The following FOXF2 variants were observed in gnomAD, a reference collection of about 807,000 sequenced individuals.
FOXF2 encodes forkhead box F2.
FOXF2 carries 15 observed loss-of-function variants against 29.1 expected under a neutral mutation model. That is an observed-to-expected ratio of 0.52 (90% confidence interval 0.35 to 0.79). The LOEUF is 0.79. Ranked by LOEUF, FOXF2 falls within the 30% of genes least tolerant of loss-of-function variation. The pLI is 0.01. For missense variants in FOXF2, 675 were observed against 667.1 expected (o/e 1.01, Z -0.13); for synonymous variants, 337 against 316.5 (o/e 1.06, Z -0.69).
intron 1 of FOXF2, among the ~76,000 whole-genome samples, chr6:1,392,973 G>A (rs1055247729): frequency 2.6e-5 from 4 of 152,128 alleles, no homozygotes; most frequent in African/African-American, 9.7e-5. Context: ...ATACCCACCC[G>A]GCCCTGTTGC....
chr6:1,390,833 G>C lies in FOXF2; in HGVS notation c.886G>C (p.Gly296Arg). Residue 296 changes from glycine to arginine, a missense_variant, in exon 1 of 2, where the codon GGC (glycine) becomes CGC (arginine). Transcript: ENST00000645481. The surrounding 1 kb of genome is among the most constrained non-coding windows in gnomAD (Gnocchi z 8.5). ...CTGCCCGGTGCCCGCGGGACCCGGGGGCGTCGGTGCGGCCGGGGGCGGCGG... is the reference window on the plus strand; with the variant it reads ...CTGCCCGGTGCCCGCGGGACCCGGGCGCGTCGGTGCGGCCGGGGGCGGCGG... ...ASCPVPAGPGGVGAAGGGGGG... is the reference protein window; with the variant it reads ...ASCPVPAGPGRVGAAGGGGGG... The C allele has an allele frequency of 7.2e-7, 1 of 1,390,852 alleles. No homozygotes were observed. Among genetic ancestry groups the C allele is most frequent in the Non-Finnish European group, 9.2e-7 (1 of 1,087,894 alleles). The allele number at this position is 1,390,852 out of a possible 1,614,324, so 86.2% of individuals were successfully genotyped here. A position where few individuals can be genotyped will look rare whatever the true frequency, so the allele number is the denominator to read the frequency against.
Position 1,390,714 on chromosome 6 carries a change from G to T in FOXF2, c.767G>T (p.Gly256Val). 1 of 1,446,328 alleles carries T rather than the reference G, an allele frequency of 6.9e-7. No homozygotes were observed. The highest frequency in any genetic ancestry group is 1.4e-5 in the South Asian group (1 of 70,018). 89.6% of individuals were successfully genotyped at this position (1,446,328 alleles called of 1,614,324 possible). ...ATGATGCCCGCGGGCTACGACGCCG[G>T]CGCGGGCGCCCCCAGCCACGCGCAC... ...LDMMPAGYDA[G>V]AGAPSHAHPH... The change falls in exon 1 of 2, where the codon GGC becomes GTC. Residue 256 changes from glycine to valine, a missense_variant. By Grantham distance (109) the Gly-to-Val change is moderately radical (BLOSUM62 -3). Around this residue, in one of 3 missense-constraint regions of FOXF2, gnomAD observed 451 missense variants for 437.2 expected, o/e 1.03. Transcript: ENST00000645481. The surrounding 1 kb of genome is among the most constrained non-coding windows in gnomAD (Gnocchi z 8.5).
chr6:1,390,740 C>G lies in FOXF2; in HGVS notation c.793C>G (p.Pro265Ala). 7.0e-7 allele frequency: 1 copy of G among 1,422,586 alleles called. No individual in the cohort carries two copies. The highest frequency in any genetic ancestry group is 9.1e-7 in the Non-Finnish European group (1 of 1,100,684). 88.1% of individuals were successfully genotyped at this position (1,422,586 alleles called of 1,614,324 possible). A position where few individuals can be genotyped will look rare whatever the true frequency, so the allele number is the denominator to read the frequency against. ...AGAGAPSHAH[P>A]HHHHHHHVPH... is the part of the protein sequence containing the mutation. ...CGCGGGCGCCCCCAGCCACGCGCAC[C>G]CTCACCACCACCACCACCACCACGT... The change falls in exon 1 of 2, where the codon CCT (proline) becomes GCT (alanine). Residue 265 changes from proline to alanine, a missense_variant. Pro to Ala is a conservative substitution (Grantham distance 27). Coordinates refer to ENST00000645481, the MANE Select transcript of FOXF2 (RefSeq NM_001452.2). This position sits in a 1 kb window ranked among gnomAD's most constrained non-coding sequence, Gnocchi z 8.5.
At chr6:1,391,353 G>C (rs905528340) in intron 1 of FOXF2, among the ~76,000 whole-genome samples, 1 of 152,234 alleles carries the variant, frequency 6.6e-6, no homozygotes, top group African/African-American at 2.4e-5. Context: ...TCTGGCTGCT[G>C]TGAGCGTGGT....
At position 1,394,885 on chromosome 6, in the gene FOXF2, C is replaced by A. The variant is rs759632625; in HGVS notation, c.*26C>A. ...ACGGAAAGAGGCCAAGCGATGGCCG[C>A]TCTCTCCTCTCCCCTCCTCAGAGGG... On this transcript the variant is annotated 3_prime_UTR_variant, in exon 2 of 2. Coordinates refer to ENST00000645481, the MANE Select transcript of FOXF2 (RefSeq NM_001452.2). The A allele has an allele frequency of 6.2e-7, 1 of 1,612,668 alleles. No individual in the cohort carries two copies. The highest frequency in any genetic ancestry group is 8.5e-7 in the Non-Finnish European group (1 of 1,178,784).
chr6:1,392,434 T>TCTCACACACACACACA (rs1554124328), intron 1 of FOXF2, among the ~76,000 whole-genome samples: 41 of 107,766 alleles, frequency 3.8e-4, no homozygotes, highest in African/African-American at 1.4e-3. Context: ...CGGCTGTCAA[T>TCTCACACACACACACA]CACACACACA....
At position 1,394,906 on chromosome 6, in the gene FOXF2, GA is replaced by G; in HGVS notation, c.*48del. Reference sequence around the variant, plus strand: ...GCCGCTCTCTCCTCTCCCCTCCTCAGAGGGGGCAGATAGAAACTGGGACGGA... The same window carrying G: ...GCCGCTCTCTCCTCTCCCCTCCTCAGGGGGGCAGATAGAAACTGGGACGGA... On this transcript the variant is annotated 3_prime_UTR_variant, in exon 2 of 2. Transcript: ENST00000645481. The G allele has an allele frequency of 6.3e-7, 1 of 1,598,734 alleles. No individual in the cohort carries two copies. The highest frequency in any genetic ancestry group is 1.1e-5 in the South Asian group (1 of 90,798).
chr6:1,391,258 A>G (rs921907758), intron 1 of FOXF2, 140 bp downstream of exon 1: 10 of 1,440,198 alleles, frequency 6.9e-6, no homozygotes, highest in Non-Finnish European at 8.4e-6. Flanking sequence ...TGCTGGGGAA[A>G]GCCGGCATCT....
chr6:1,392,434 T>TCACTCACACACACACA lies in FOXF2; in HGVS notation c.1171+1319_1171+1320insTCACACACACACACAC, dbSNP rs1554124327. Among the ~76,000 whole-genome samples, 77 of 107,762 alleles carry TCACTCACACACACACA rather than the reference T, an allele frequency of 7.1e-4. 1 individual carries two copies. Among genetic ancestry groups the TCACTCACACACACACA allele is most frequent in the Middle Eastern group, 8.9e-3 (2 of 224 alleles). The allele number at this position is 107,762 out of a possible 152,430, so 70.7% of individuals were successfully genotyped here. A position where few individuals can be genotyped will look rare whatever the true frequency, so the allele number is the denominator to read the frequency against. ...TGTATTCCCTTGGACCGGCTGTCAATCACACACACACACACACACACACAC... is the reference window on the plus strand; with the variant it reads ...TGTATTCCCTTGGACCGGCTGTCAATCACTCACACACACACACACACACACACACACACACACACAC... On this transcript the variant is annotated intron_variant, in intron 1 of 1. Coordinates refer to ENST00000645481, the MANE Select transcript of FOXF2 (RefSeq NM_001452.2).
At chr6:1,391,160 T>C in intron 1 of FOXF2, 42 bp downstream of exon 1, 3 of 1,595,106 alleles carry the variant, frequency 1.9e-6, no homozygotes, top group Non-Finnish European at 2.5e-6. Context: ...GGCGCACCGC[T>C]TCTAGGCCTC....
intron 1 of FOXF2, among the ~76,000 whole-genome samples, chr6:1,392,357 T>C (rs1758805295): frequency 6.6e-6 from 1 of 151,812 alleles, no homozygotes; most frequent in Non-Finnish European, 1.5e-5. Context: ...TTGTTCAATT[T>C]TATGGGAATT....
Position 1,389,897 on chromosome 6 carries a change from C to A in FOXF2, c.-51C>A, listed in dbSNP as rs1358319839. 8 of 745,730 alleles carry A rather than the reference C, an allele frequency of 1.1e-5. No individual in the cohort carries two copies. Among genetic ancestry groups the A allele is most frequent in the Non-Finnish European group, 1.3e-5 (8 of 612,638 alleles). 46.2% of individuals were successfully genotyped at this position (745,730 alleles called of 1,614,324 possible). ...GGCCGACCCCGCTCCGGCGCCTCCG[C>A]TTCCCGCCCGGGGCCCGCCCTCGCG... is the stretch of plus-strand genomic sequence containing the variant. On this transcript the variant is annotated 5_prime_UTR_variant, in exon 1 of 2. Transcript: ENST00000645481.
rs767494112 is a variant in FOXF2, at chr6:1,390,172, C to A, written c.225C>A (p.Ser75Arg). 1.6e-5 allele frequency: 23 copies of A among 1,459,390 alleles called. No individual in the cohort carries two copies. The African/African-American group carries it at 3.4e-4, about 22-fold the overall frequency. The allele number at this position is 1,459,390 out of a possible 1,614,324, so 90.4% of individuals were successfully genotyped here. ...SASAPSAACK[S>R]AGGGGAGAGS... ...GCGCCCCCTCGGCTGCCTGCAAGAG[C>A]GCGGGCGGCGGCGGCGCGGGCGCCG... is the stretch of plus-strand genomic sequence containing the variant. Residue 75 changes from serine to arginine, a missense_variant, in exon 1 of 2, where the codon AGC (serine) becomes AGA (arginine). By Grantham distance (110) the Ser-to-Arg change is moderately radical. Transcript: ENST00000645481. This position sits in a 1 kb window ranked among gnomAD's most constrained non-coding sequence, Gnocchi z 8.5.
chr6:1,392,360 T>C (rs980974219), intron 1 of FOXF2, among the ~76,000 whole-genome samples: 2 of 151,970 alleles, frequency 1.3e-5, no homozygotes, highest in Non-Finnish European at 2.9e-5. Flanking sequence ...TTCAATTTTA[T>C]GGGAATTTCA....
At position 1,390,284 on chromosome 6, in the gene FOXF2, A is replaced by G; in HGVS notation, c.337A>G (p.Ile113Val). ...GTACATCGCGCTCATCGTCATGGCC[A>G]TCCAGAGCTCGCCCAGCAAGCGCCT... Reference protein sequence around the residue: ...YSYIALIVMAIQSSPSKRLTL... With the variant: ...YSYIALIVMAVQSSPSKRLTL... Residue 113 changes from isoleucine (I) to valine (V), a missense_variant, in exon 1 of 2, where the codon ATC becomes GTC. Transcript: ENST00000645481. This position sits in a 1 kb window ranked among gnomAD's most constrained non-coding sequence, Gnocchi z 8.5. The G allele has an allele frequency of 6.2e-7, 1 of 1,612,740 alleles. No individual in the cohort carries two copies. The highest frequency in any genetic ancestry group is 8.5e-7 in the Non-Finnish European group (1 of 1,179,826).
intron 1 of FOXF2, among the ~76,000 whole-genome samples, chr6:1,392,425 G>A (rs1758806191): frequency 8.3e-6 from 1 of 119,932 alleles, no homozygotes; most frequent in African/African-American, 3.8e-5. Flanking sequence ...CCCTTGGACC[G>A]GCTGTCAATC....
rs1386283973 is a variant in FOXF2, at chr6:1,390,667, G to A, written c.720G>A (p.Gln240=). The part of the protein sequence containing the change: ...PPSAPLGCHS[Q]GGYGGLDMMP... ...CGGCGCCGCTCGGCTGCCACAGCCA[G>A]GGCGGCTACGGCGGCCTCGACATGA... The change falls in exon 1 of 2, where the codon CAG becomes CAA. Residue 240 remains glutamine (Q), a synonymous_variant. Coordinates refer to ENST00000645481, the MANE Select transcript of FOXF2 (RefSeq NM_001452.2). This position sits in a 1 kb window ranked among gnomAD's most constrained non-coding sequence, Gnocchi z 8.5. The A allele has an allele frequency of 5.2e-6, 8 of 1,546,832 alleles. No individual in the cohort carries two copies. Among genetic ancestry groups the A allele is most frequent in the Non-Finnish European group, 6.9e-6 (8 of 1,155,226 alleles).
chr6:1,392,434 T>TCACACACACACACACACACACACACA (rs71738664), intron 1 of FOXF2, among the ~76,000 whole-genome samples: 9 of 107,770 alleles, frequency 8.4e-5, no homozygotes, highest in African/African-American at 2.7e-4. Flanking sequence ...CGGCTGTCAA[T>TCACACACACACACACACACACACACA]CACACACACA....
In FOXF2 at chr6:1,394,802, G is replaced by C; in HGVS notation, c.1278G>C (p.Ser426=). 6.2e-7 allele frequency: 1 copy of C among 1,614,064 alleles called. No individual in the cohort carries two copies. Among genetic ancestry groups the C allele is most frequent in the African/African-American group, 1.3e-5 (1 of 75,014 alleles). ...ISSFHPSASG[S]YYHHHHQSVC... The stretch of plus-strand genomic sequence containing the variant: ...CTTTCCATCCCTCAGCTAGCGGGTC[G>C]TATTATCACCATCACCACCAGAGCG... Residue 426 remains serine, a synonymous_variant, in exon 2 of 2, where the codon TCG becomes TCC. Transcript: ENST00000645481.
Sources: allele counts gnomAD v4.1 joint callset (sites outside exome capture counted in the v4.1 genomes callset), GRCh38; gene constraint gnomAD v4.1.1; regional missense constraint gnomAD v4.1.1; non-coding constraint Gnocchi (gnomAD v3.1); transcripts MANE v1.5; gene names NCBI Gene and HGNC (gene_info 2026-07-23, HGNC 2026-07-21).